Variants in TMEM47 observed in about 807,000 individuals in gnomAD.
TMEM47 encodes the protein brain cell membrane protein 1.
TMEM47 carries 3 observed loss-of-function variants against 12.4 expected under a neutral mutation model. The observed-to-expected ratio is 0.24, with a 90% CI of 0.11 to 0.63. The LOEUF is 0.63. TMEM47 is among the 20% of genes least tolerant of loss of function. The pLI, the probability that TMEM47 is intolerant of heterozygous loss-of-function variation, is 0.86. For missense variants in TMEM47, 89 were observed against 143.8 expected (o/e 0.62, Z 1.95); for synonymous variants, 62 against 63.3 (o/e 0.98, Z 0.10).
intron 2 of TMEM47, among the ~76,000 whole-genome samples, chrX:34,637,135 A>C (rs1341489779): frequency 1.8e-5 from 2 of 111,700 alleles, no homozygotes; most frequent in Non-Finnish European, 3.8e-5. Flanking sequence ...ACAGGTGCTT[A>C]ATTAATCATT....
intron 1 of TMEM47, among the ~76,000 whole-genome samples, chrX:34,650,802 G>A (rs1922004543): frequency 8.9e-6 from 1 of 111,951 alleles, no homozygotes; most frequent in Non-Finnish European, 1.9e-5. Context: ...GGTTTTACAT[G>A]TATCTCTCTG....
chrX:34,631,698 C>A (rs1199872347), intron 2 of TMEM47, among the ~76,000 whole-genome samples: 3 of 111,270 alleles, frequency 2.7e-5, no homozygotes, highest in African/African-American at 9.8e-5. Context: ...CCAAAATAAT[C>A]AGGAAGGGAA....
chrX:34,629,767 G>C lies in TMEM47; in HGVS notation c.*546C>G, dbSNP rs901108930. On this transcript the variant is annotated 3_prime_UTR_variant, in exon 3 of 3. Transcript: ENST00000275954. ...ACCTCCCATTAAAAAGAGTGTTCCT[G>C]AAGGTGGAATGTGTATCATTAACCA... The C allele has an allele frequency of 9.0e-6, 1 of 111,635 alleles. No individual in the cohort carries two copies. The highest frequency in any genetic ancestry group is 1.9e-5 in the Non-Finnish European group (1 of 53,209). 9.2% of individuals were successfully genotyped at this position (111,635 alleles called of 1,213,427 possible).
intron 1 of TMEM47, among the ~76,000 whole-genome samples, chrX:34,644,742 C>T (rs765047060): frequency 8.9e-6 from 1 of 111,860 alleles, no homozygotes; most frequent in East Asian, 2.8e-4. Flanking sequence ...AGAAGTCCTA[C>T]TGTTTAGGTG....
intron 1 of TMEM47, among the ~76,000 whole-genome samples, chrX:34,643,510 A>G (rs1045784856): frequency 9.8e-5 from 11 of 112,125 alleles, no homozygotes; most frequent in African/African-American, 3.6e-4. Flanking sequence ...TTTCTTCAAA[A>G]AAGTCATGCA....
Position 34,657,134 on chromosome X carries a change from G to A in TMEM47, c.-105C>T. On this transcript the variant is annotated 5_prime_UTR_variant, in exon 1 of 3. Coordinates refer to ENST00000275954, the MANE Select transcript of TMEM47 (RefSeq NM_031442.4). ...AAGGGAGAAGCCGCCGAGCTGCCAC[G>A]CGCGGGGACTCGCTCCCTCGGGGCT... is the stretch of plus-strand genomic sequence containing the variant. 9.6e-7 allele frequency: 1 copy of A among 1,037,632 alleles called. No homozygotes were observed. The allele number at this position is 1,037,632 out of a possible 1,213,427, so 85.5% of individuals were successfully genotyped here. A position where few individuals can be genotyped will look rare whatever the true frequency, so the allele number is the denominator to read the frequency against.
chrX:34,641,402 C>G (rs182444154), intron 1 of TMEM47, among the ~76,000 whole-genome samples: 1 of 112,073 alleles, frequency 8.9e-6, no homozygotes, highest in Non-Finnish European at 1.9e-5. Context: ...TTACTGTTAG[C>G]AACTTTCCCT....
chrX:34,632,073 A>G (rs747219823), intron 2 of TMEM47, among the ~76,000 whole-genome samples: 1 of 111,941 alleles, frequency 8.9e-6, no homozygotes, highest in African/African-American at 3.2e-5. Context: ...CTATGCAACA[A>G]TGGCAGAGTT....
chrX:34,642,521 C>T (rs918375405), intron 1 of TMEM47, among the ~76,000 whole-genome samples: 1 of 111,536 alleles, frequency 9.0e-6, no homozygotes, highest in African/African-American at 3.3e-5. Context: ...AAAGAACCTC[C>T]TATAGCACAG....
chrX:34,652,585 A>G (rs1922035991), intron 1 of TMEM47, among the ~76,000 whole-genome samples: 1 of 112,320 alleles, frequency 8.9e-6, no homozygotes, highest in South Asian at 3.7e-4. Context: ...TAATCCTTCT[A>G]TGAATGTGAG....
chrX:34,630,859 C>T (rs993942199), intron 2 of TMEM47, among the ~76,000 whole-genome samples: 2 of 109,465 alleles, frequency 1.8e-5, no homozygotes, highest in Admixed American at 9.8e-5. Context: ...ACTAATAAAC[C>T]GTATAAGTAG....
Position 34,657,279 on chromosome X carries a change from G to A in TMEM47, c.-250C>T, listed in dbSNP as rs1601971042. 2 of 254,013 alleles carry A rather than the reference G, an allele frequency of 7.9e-6. No individual in the cohort carries two copies. Among genetic ancestry groups the A allele is most frequent in the Non-Finnish European group, 1.2e-5 (2 of 165,408 alleles). The allele number at this position is 254,013 out of a possible 1,213,427, so 20.9% of individuals were successfully genotyped here. On this transcript the variant is annotated 5_prime_UTR_variant, in exon 1 of 3. Coordinates refer to ENST00000275954, the MANE Select transcript of TMEM47 (RefSeq NM_031442.4). ...GGACCTTCGCCGCCGGCCCCGCGCC[G>A]CGCTCTGCCAGCGCCCGCGCCCGCT...
intron 1 of TMEM47, among the ~76,000 whole-genome samples, chrX:34,649,988 G>A (rs1259005107): frequency 8.9e-6 from 1 of 111,862 alleles, no homozygotes; most frequent in Non-Finnish European, 1.9e-5. Context: ...GCCTCCTAAA[G>A]TGCTGAGATT....
chrX:34,645,134 T>C, intron 1 of TMEM47, among the ~76,000 whole-genome samples: 1 of 112,028 alleles, frequency 8.9e-6, no homozygotes, highest in Non-Finnish European at 1.9e-5. Flanking sequence ...TAAATTACAT[T>C]GTTGAGAACA....
chrX:34,655,982 G>A (rs1922100781), intron 1 of TMEM47, among the ~76,000 whole-genome samples: 1 of 111,478 alleles, frequency 9.0e-6, no homozygotes, highest in Non-Finnish European at 1.9e-5. Context: ...CAGGGAGGGC[G>A]GAAAGCAGTA....
At chrX:34,644,831 C>T (rs1202031092) in intron 1 of TMEM47, among the ~76,000 whole-genome samples, 1 of 111,735 alleles carries the variant, frequency 8.9e-6, no homozygotes, top group African/African-American at 3.2e-5. Flanking sequence ...CAAATTAAAA[C>T]ACTGATTTTT....
rs1341658341 is a variant in TMEM47, at chrX:34,627,897, T to C, written c.*2416A>G. The C allele has an allele frequency of 8.9e-6, 1 of 112,211 alleles. No homozygotes were observed. Among genetic ancestry groups the C allele is most frequent in the Non-Finnish European group, 1.9e-5 (1 of 53,137 alleles). 9.2% of individuals were successfully genotyped at this position (112,211 alleles called of 1,213,427 possible). On this transcript the variant is annotated 3_prime_UTR_variant, in exon 3 of 3. Transcript: ENST00000275954. ...CAACAATTTTCATGTTGTACTGAGA[T>C]TGTTAGTAATGAAATACTTCCAAAT...
At chrX:34,646,981 C>T (rs1921923421) in intron 1 of TMEM47, among the ~76,000 whole-genome samples, 1 of 111,465 alleles carries the variant, frequency 9.0e-6, no homozygotes, top group South Asian at 3.8e-4. Context: ...TTTATTCTCA[C>T]TACCTTCCAC....
In TMEM47 at chrX:34,657,122, C is replaced by T; in HGVS notation, c.-93G>A. On this transcript the variant is annotated 5_prime_UTR_variant, in exon 1 of 3. Coordinates refer to ENST00000275954, the MANE Select transcript of TMEM47 (RefSeq NM_031442.4). ...CCGGACCTCCCGAAGGGAGAAGCCG[C>T]CGAGCTGCCACGCGCGGGGACTCGC... 3 of 1,049,424 alleles carry T rather than the reference C, an allele frequency of 2.9e-6. No individual in the cohort carries two copies. Among genetic ancestry groups the T allele is most frequent in the Non-Finnish European group, 3.7e-6 (3 of 821,442 alleles). The allele number at this position is 1,049,424 out of a possible 1,213,427, so 86.5% of individuals were successfully genotyped here.
Sources: gnomAD v4.1 joint callset for allele counts (sites outside exome capture counted in the v4.1 genomes callset) on GRCh38, gnomAD v4.1.1 for gene constraint, MANE v1.5 for transcripts, NCBI Gene and HGNC (gene_info 2026-07-23, HGNC 2026-07-21) for gene names.